CACNA1C: variants seen among roughly 807,000 people sequenced by gnomAD.
The protein encoded by CACNA1C is voltage-dependent L-type calcium channel subunit alpha-1C.
Under a neutral mutation model 229.0 loss-of-function variants are expected in CACNA1C, and 30 were observed. That is an observed-to-expected ratio of 0.13 (90% CI 0.10 to 0.18). The LOEUF (loss-of-function observed/expected upper bound fraction) is 0.18, where lower values mean the gene tolerates loss of function less well. CACNA1C is among the 10% of genes least tolerant of loss of function. CACNA1C has a pLI of 1.00. For synonymous variants in CACNA1C, 1,114 were observed against 1,132.5 expected, an observed-to-expected ratio of 0.98 and a Z score of 0.33; for missense variants, 1,658 against 2,845.0, an observed-to-expected ratio of 0.58 and a Z score of 9.49.
Position 2,067,882 on chromosome 12 carries a change from C to G in CACNA1C, c.49+14271C>G, listed in dbSNP as rs1594903665. 6.6e-6 allele frequency among the ~76,000 whole-genome samples: 1 copy of G among 152,176 alleles called. No individual in the cohort carries two copies. The stretch of plus-strand genomic sequence containing the variant: ...CCATGCCCTTCCATCCAAACCAAGC[C>G]CAGCTTCACAGCCTATGATATTGGC... On this transcript the variant is annotated intron_variant, in intron 1 of 46. Coordinates refer to ENST00000399655, the MANE Select transcript of CACNA1C (RefSeq NM_000719.7). The surrounding 1 kb of genome is among the most constrained non-coding windows in gnomAD (Gnocchi z 5.3).
Position 2,517,780 on chromosome 12 carries a change from C to T in CACNA1C, c.1390+4796C>T, listed in dbSNP as rs80208136. On this transcript the variant is annotated intron_variant, in intron 9 of 46. Coordinates refer to ENST00000399655, the MANE Select transcript of CACNA1C (RefSeq NM_000719.7). ...AGGGACAGGGCTCATCTTCCAGCTCCGACGTTAAATCTAATAGAAGGTCAG... is the reference window on the plus strand; with the variant it reads ...AGGGACAGGGCTCATCTTCCAGCTCTGACGTTAAATCTAATAGAAGGTCAG... 1.7e-3 allele frequency among the ~76,000 whole-genome samples: 252 copies of T among 152,228 alleles called. 4 individuals are homozygous for T. The East Asian group carries it at 0.026, about 15-fold the overall frequency.
chr12:2,122,356 T>G (rs1040280736), intron 3 of CACNA1C, among the ~76,000 whole-genome samples: 27 of 152,188 alleles, frequency 1.8e-4, no homozygotes, highest in African/African-American at 6.0e-4. Context: ...TGACTTCTCA[T>G]TCTCTGCATT....
intron 3 of CACNA1C, among the ~76,000 whole-genome samples, chr12:2,191,521 CAT>C (rs2097211652): frequency 6.6e-6 from 1 of 152,186 alleles, no homozygotes; most frequent in Admixed American, 6.5e-5. Context: ...TATACACACA[CAT>C]ACACTCACAC....
intron 3 of CACNA1C, among the ~76,000 whole-genome samples, chr12:2,338,532 C>T (rs915186994): frequency 2.6e-5 from 4 of 151,172 alleles, no homozygotes; most frequent in African/African-American, 9.7e-5. Context: ...TGGTCCCCCT[C>T]CCTCCAGTCA....
At chr12:2,676,987 A>G in intron 39 of CACNA1C, 107 bp from the exon 40 acceptor site, 1 of 916,508 alleles carries the variant, frequency 1.1e-6, no homozygotes, top group Admixed American at 2.3e-5. Flanking sequence ...CTCTCCAAAA[A>G]TATTAAAGTT....
intron 3 of CACNA1C, among the ~76,000 whole-genome samples, chr12:2,244,538 C>A (rs1422349970): frequency 6.6e-6 from 1 of 152,198 alleles, no homozygotes; most frequent in Non-Finnish European, 1.5e-5. Context: ...CATGTTGTGC[C>A]CACTACCTTT....
chr12:2,523,676 T>A (rs564091914), intron 9 of CACNA1C, among the ~76,000 whole-genome samples: 17 of 152,366 alleles, frequency 1.1e-4, no homozygotes, highest in Middle Eastern at 3.4e-3. Context: ...CTGTGTCCAC[T>A]TGGCCTTGCC....
chr12:2,020,857 G>A (rs1333714052), intron 1 of CACNA1C, among the ~76,000 whole-genome samples: 2 of 152,134 alleles, frequency 1.3e-5, no homozygotes, highest in Non-Finnish European at 2.9e-5. Flanking sequence ...TGGCCATGAA[G>A]AACTCATTAG....
intron 3 of CACNA1C, among the ~76,000 whole-genome samples, chr12:2,213,931 T>C (rs2059330212): frequency 6.6e-6 from 1 of 152,148 alleles, no homozygotes; most frequent in African/African-American, 2.4e-5. Context: ...AGCCGGTTTT[T>C]ACAGCACCTT....
intron 8 of CACNA1C, among the ~76,000 whole-genome samples, chr12:2,508,652 C>A (rs2099776938): frequency 6.6e-6 from 1 of 151,936 alleles, no homozygotes; most frequent in Non-Finnish European, 1.5e-5. Context: ...GACTCTGTCT[C>A]TAAAAGTAAA....
intron 1 of CACNA1C, among the ~76,000 whole-genome samples, chr12:2,062,705 C>T (rs1477666121): frequency 1.3e-5 from 2 of 152,178 alleles, no homozygotes; most frequent in Admixed American, 6.5e-5. Flanking sequence ...CACATCTCCT[C>T]ACAGGCCTTC....
In CACNA1C at chr12:2,602,058, G is replaced by A. The variant is rs914897559; in HGVS notation, c.2960+98G>A. The A allele has an allele frequency of 3.2e-5, 25 of 774,814 alleles. No homozygotes were observed. Among genetic ancestry groups the A allele is most frequent in the African/African-American group, 2.0e-4 (12 of 59,182 alleles). The allele number at this position is 774,814 out of a possible 1,614,324, so 48.0% of individuals were successfully genotyped here. A position where few individuals can be genotyped will look rare whatever the true frequency, so the allele number is the denominator to read the frequency against. ...TGGAGGGCCTGCCTGCAGGGCCACCGCAGTGTGATGAGAGTGGGGTGGGGC... is the reference window on the plus strand; with the variant it reads ...TGGAGGGCCTGCCTGCAGGGCCACCACAGTGTGATGAGAGTGGGGTGGGGC... On this transcript the variant is annotated intron_variant, in intron 22 of 46. Coordinates refer to ENST00000399655, the MANE Select transcript of CACNA1C (RefSeq NM_000719.7). The surrounding 1 kb of genome is among the most constrained non-coding windows in gnomAD (Gnocchi z 4.4).
intron 3 of CACNA1C, among the ~76,000 whole-genome samples, chr12:2,416,250 TTC>T: frequency 6.6e-6 from 1 of 152,342 alleles, no homozygotes; most frequent in East Asian, 1.9e-4. Context: ...ATGGCTCGCT[TTC>T]TCTTTCTTCT....
chr12:2,688,512 G>T lies in CACNA1C; in HGVS notation c.5850G>T (p.Arg1950Ser). Reference sequence around the variant, plus strand: ...GCCATTCCCCTGCCTCATTCCCTAGGCCTTTTGCCACCCCACCAGCCACAC... The same window carrying T: ...GCCATTCCCCTGCCTCATTCCCTAGTCCTTTTGCCACCCCACCAGCCACAC... The part of the protein sequence containing the change: ...QRSHSPASFP[R>S]PFATPPATPG... Residue 1950 changes from arginine (R) to serine (S), a missense_variant, in exon 46 of 47, where the codon AGG becomes AGT. By Grantham distance (110) the Arg-to-Ser change is moderately radical. Coordinates refer to ENST00000399655, the MANE Select transcript of CACNA1C (RefSeq NM_000719.7). 1 of 1,613,908 alleles carries T rather than the reference G, an allele frequency of 6.2e-7. No individual in the cohort carries two copies. The highest frequency in any genetic ancestry group is 8.5e-7 in the Non-Finnish European group (1 of 1,179,892).
rs575897409 is a variant in CACNA1C at position 2,461,121 on chromosome 12, C to G, written c.757+3415C>G. On this transcript the variant is annotated intron_variant, in intron 5 of 46. Coordinates refer to ENST00000399655, the MANE Select transcript of CACNA1C (RefSeq NM_000719.7). ...TCTGTGATTCTTGTCCTCCCATTCT[C>G]TCTTGAATCCACTCTGATGGGGCTT... Among the ~76,000 whole-genome samples the G allele has an allele frequency of 4.6e-5, 7 of 152,346 alleles. No individual in the cohort carries two copies. In the East Asian group the frequency reaches 1.3e-3, roughly 29 times the overall value.
In CACNA1C at chr12:2,152,474, A is replaced by G. The variant is rs2095332978; in HGVS notation, c.477+32044A>G. Among the ~76,000 whole-genome samples the G allele has an allele frequency of 6.6e-6, 1 of 152,166 alleles. No individual in the cohort carries two copies. The highest frequency in any genetic ancestry group is 1.5e-5 in the Non-Finnish European group (1 of 68,036). ...TGCCGTCATGGTGAGGAGCCATTTC[A>G]TATCATGCAGACTAAAAGACCCTTT... On this transcript the variant is annotated intron_variant, in intron 3 of 46. Transcript: ENST00000399655. This position sits in a 1 kb window ranked among gnomAD's most constrained non-coding sequence, Gnocchi z 4.2.
chr12:2,670,578 G>T (rs1021495789), intron 38 of CACNA1C, among the ~76,000 whole-genome samples: 2 of 151,830 alleles, frequency 1.3e-5, no homozygotes, highest in African/African-American at 4.8e-5. Context: ...ATAAAAATAG[G>T]GGCCAGGCGT....
chr12:2,056,204 T>A lies in CACNA1C; in HGVS notation c.49+2593T>A, dbSNP rs1048273310. Among the ~76,000 whole-genome samples the A allele has an allele frequency of 7.2e-3, 326 of 45,172 alleles. 1 individual carries two copies. Among genetic ancestry groups the A allele is most frequent in the South Asian group, 0.017 (19 of 1,136 alleles). The allele number at this position is 45,172 out of a possible 152,430, so 29.6% of individuals were successfully genotyped here. A position where few individuals can be genotyped will look rare whatever the true frequency, so the allele number is the denominator to read the frequency against. ...ATGTGTGAGTGTGTGTGAGTGTGTG[T>A]GTGTGTGTGTGTGTGTGTGTGTGTG... On this transcript the variant is annotated intron_variant, in intron 1 of 46. Transcript: ENST00000399655.
intron 3 of CACNA1C, among the ~76,000 whole-genome samples, chr12:2,265,439 TTCC>T (rs1270692362): frequency 6.6e-5 from 10 of 152,196 alleles, no homozygotes; most frequent in Admixed American, 3.9e-4. Flanking sequence ...GCGTTGTGGT[TTCC>T]TCTACTTCCA....
Sources: allele counts gnomAD v4.1 joint callset (sites outside exome capture counted in the v4.1 genomes callset), GRCh38; gene constraint gnomAD v4.1.1; non-coding constraint Gnocchi (gnomAD v3.1); transcripts MANE v1.5; gene names NCBI Gene and HGNC (gene_info 2026-07-23, HGNC 2026-07-21).